DNAH8: variants seen among roughly 807,000 people sequenced by gnomAD.
The protein encoded by DNAH8 is dynein axonemal heavy chain 8.
Under a neutral mutation model 562.1 loss-of-function variants are expected in DNAH8, and 382 were observed. The ratio of observed to expected loss-of-function variants is 0.68; its 90% CI spans 0.63 to 0.74. The LOEUF is 0.74. Ranked by LOEUF, DNAH8 falls within the 30% of genes least tolerant of loss-of-function variation. The probability of loss-of-function intolerance (pLI) is 0.00; values close to 1 mark genes in which losing one functional copy is unlikely to be tolerated. For missense variants in DNAH8, 5,203 were observed against 5,620.4 expected, an observed-to-expected ratio of 0.93 and a Z score of 2.37; for synonymous variants, 1,881 against 1,919.4, an observed-to-expected ratio of 0.98 and a Z score of 0.52.
intron 91 of DNAH8, among the ~76,000 whole-genome samples, chr6:39,017,391 ATGAGCC>A (rs1766636282): frequency 6.6e-6 from 1 of 152,018 alleles, no homozygotes; most frequent in South Asian, 2.1e-4. Context: ...TATAGTCGTA[ATGAGCC>A]TGACTTCAGG....
intron 5 of DNAH8, among the ~76,000 whole-genome samples, chr6:38,734,957 G>A (rs1213909447): frequency 6.6e-6 from 1 of 152,174 alleles, no homozygotes; most frequent in Non-Finnish European, 1.5e-5. Context: ...TTTAAAAGAA[G>A]AAGGGAGAGT....
At chr6:38,874,153 T>G (rs1777765897) in intron 52 of DNAH8, among the ~76,000 whole-genome samples, 1 of 97,468 alleles carries the variant, frequency 1.0e-5, no homozygotes, top group Non-Finnish European at 2.3e-5. Flanking sequence ...TTCTCCTTCC[T>G]TCCTTCCTCC....
At chr6:38,781,200 T>C (rs766500861) in intron 15 of DNAH8, 54 bp from the exon 16 acceptor site, 14 of 1,588,694 alleles carry the variant, frequency 8.8e-6, no homozygotes, top group Non-Finnish European at 1.2e-5. Flanking sequence ...TATATATTTT[T>C]TGCCTTCTCC....
At chr6:38,957,887 A>AC (rs60324692) in intron 82 of DNAH8, among the ~76,000 whole-genome samples, 1 of 150,618 alleles carries the variant, frequency 6.6e-6, no homozygotes, top group Non-Finnish European at 1.5e-5. Context: ...AAAAAAAAAA[A>AC]CAAGATCACA....
At chr6:38,814,559 C>T (rs534837320) in intron 25 of DNAH8, among the ~76,000 whole-genome samples, 4 of 149,134 alleles carry the variant, frequency 2.7e-5, no homozygotes, top group Non-Finnish European at 5.9e-5. Context: ...CCAGCCTGGG[C>T]GACAGAGCAA....
intron 85 of DNAH8, among the ~76,000 whole-genome samples, chr6:38,979,637 G>A: frequency 6.6e-6 from 1 of 152,156 alleles, no homozygotes; most frequent in East Asian, 1.9e-4. Context: ...AAAAGTAAAT[G>A]CTTTAGATGA....
intron 53 of DNAH8, among the ~76,000 whole-genome samples, chr6:38,880,452 G>T (rs2150458899): frequency 6.6e-6 from 1 of 152,046 alleles, no homozygotes; most frequent in East Asian, 1.9e-4. Flanking sequence ...GTGCGATGGG[G>T]GGAAAAATCT....
rs113024778 is a variant in DNAH8 at position 38,931,876 on chromosome 6, A to G, written c.11340A>G (p.Leu3780=). 5.3e-4 allele frequency: 847 copies of G among 1,611,290 alleles called. 4 individuals carry two copies. In the African/African-American group the frequency reaches 0.01, roughly 20 times the overall value. ...TTAAACTTTACATTACTACGAAGTT[A>G]CCAAATCCTGCCTTTACCCCAGAGA... ...DTFKLYITTK[L]PNPAFTPEIN... Residue 3780 remains leucine (L), a synonymous_variant, in exon 76 of 93, where the codon TTA becomes TTG. Coordinates refer to ENST00000327475, the MANE Select transcript of DNAH8 (RefSeq NM_001206927.2).
chr6:38,891,917 C>A (rs1468961132), intron 58 of DNAH8, among the ~76,000 whole-genome samples: 1 of 152,204 alleles, frequency 6.6e-6, no homozygotes, highest in Non-Finnish European at 1.5e-5. Context: ...CTGTTCATGT[C>A]AAGGCCACCA....
rs565647603 is a variant in DNAH8, at chr6:38,883,549, A to G, written c.8136+93A>G. 12 of 1,321,002 alleles carry G rather than the reference A, an allele frequency of 9.1e-6. 1 individual carries two copies. In the African/African-American group the frequency reaches 1.8e-4, roughly 20 times the overall value. 81.8% of individuals were successfully genotyped at this position (1,321,002 alleles called of 1,614,324 possible). A position where few individuals can be genotyped will look rare whatever the true frequency, so the allele number is the denominator to read the frequency against. ...GTGTACGCATATAAAATGTGAAAATATTATATATTCAAAAGAAATCATGCT... is the reference window on the plus strand; with the variant it reads ...GTGTACGCATATAAAATGTGAAAATGTTATATATTCAAAAGAAATCATGCT... On this transcript the variant is annotated intron_variant, in intron 55 of 92. Coordinates refer to ENST00000327475, the MANE Select transcript of DNAH8 (RefSeq NM_001206927.2).
At chr6:38,867,968 A>T in intron 47 of DNAH8, 94 bp from the exon 48 acceptor site, 1 of 1,247,280 alleles carries the variant, frequency 8.0e-7, no homozygotes, top group East Asian at 2.4e-5. Context: ...ATCCCATATA[A>T]GTATCAGAAT....
intron 11 of DNAH8, chr6:38,763,375 G>GA (rs148000889): frequency 1.3e-4 from 32 of 250,864 alleles, no homozygotes; most frequent in East Asian, 2.3e-4. Context: ...AAATACAGAA[G>GA]AAAAAAAAGC....
chr6:38,981,139 A>G (rs1205722211), intron 85 of DNAH8, among the ~76,000 whole-genome samples: 2 of 152,084 alleles, frequency 1.3e-5, no homozygotes, highest in African/African-American at 2.4e-5. Flanking sequence ...AAACATTCCC[A>G]TAGATGTATA....
At chr6:38,957,397 C>T (rs1762316473) in intron 82 of DNAH8, among the ~76,000 whole-genome samples, 2 of 150,984 alleles carry the variant, frequency 1.3e-5, no homozygotes, top group South Asian at 4.2e-4. Flanking sequence ...CTTCAACATC[C>T]CATTTTCAGC....
At chr6:38,985,388 T>C (rs1325639246) in intron 87 of DNAH8, among the ~76,000 whole-genome samples, 2 of 152,228 alleles carry the variant, frequency 1.3e-5, no homozygotes, top group Non-Finnish European at 2.9e-5. Flanking sequence ...AAATGATTCT[T>C]TTTTCTTGAC....
At position 39,024,650 on chromosome 6, in the gene DNAH8, G is replaced by T. The variant is rs112477966; in HGVS notation, c.13715-1896G>T. ...GAGACCAGCCTGAGTAACATAGCAA[G>T]ACCCTGTCTCTAAAATAATAAAAAA... On this transcript the variant is annotated intron_variant, in intron 91 of 92. Transcript: ENST00000327475. Among the ~76,000 whole-genome samples, 1,413 of 152,176 alleles carry T rather than the reference G, an allele frequency of 9.3e-3. 29 individuals carry two copies. The highest frequency in any genetic ancestry group is 0.031 in the African/African-American group (1,294 of 41,476).
At position 39,008,565 on chromosome 6, in the gene DNAH8, T is replaced by C. The variant is rs144974728; in HGVS notation, c.13215-249T>C. On this transcript the variant is annotated intron_variant, in intron 88 of 92. Transcript: ENST00000327475. ...GCGATTTGGATTTCCAAGGGTGTTT[T>C]TGGGTCTCTTTCCTTGAAGATGGAG... is the stretch of plus-strand genomic sequence containing the variant. Among the ~76,000 whole-genome samples the C allele has an allele frequency of 7.9e-4, 120 of 152,278 alleles. 1 individual carries two copies. The highest frequency in any genetic ancestry group is 6.8e-3 in the Middle Eastern group (2 of 294).
intron 89 of DNAH8, 117 bp downstream of exon 89, chr6:39,009,087 G>T: frequency 1.5e-6 from 1 of 676,302 alleles, no homozygotes; most frequent in Non-Finnish European, 2.4e-6. Context: ...CAGATTACCT[G>T]TGTGAAAAAT....
At chr6:38,832,819 A>G (rs1352149135) in intron 31 of DNAH8, among the ~76,000 whole-genome samples, 29 of 152,050 alleles carry the variant, frequency 1.9e-4, no homozygotes, top group Admixed American at 1.9e-3. Flanking sequence ...GCTTGCTTTA[A>G]GCAAATTTTA....
Sources: allele counts gnomAD v4.1 joint callset (sites outside exome capture counted in the v4.1 genomes callset), GRCh38; gene constraint gnomAD v4.1.1; transcripts MANE v1.5; gene names NCBI Gene and HGNC (gene_info 2026-07-23, HGNC 2026-07-21).